STXBP4: variants seen among roughly 807,000 people sequenced by gnomAD.
The protein encoded by STXBP4 is syntaxin binding protein 4.
In STXBP4, 55 loss-of-function variants were observed where a neutral mutation model predicts 76.1. The ratio of observed to expected loss-of-function variants is 0.72; its 90% CI spans 0.58 to 0.91. The LOEUF (loss-of-function observed/expected upper bound fraction) is 0.91, where lower values mean the gene tolerates loss of function less well. STXBP4 is among the 40% of genes least tolerant of loss of function. The probability of loss-of-function intolerance (pLI) is 0.00; values close to 1 mark genes in which losing one functional copy is unlikely to be tolerated. For missense variants in STXBP4, 618 were observed against 636.9 expected, an observed-to-expected ratio of 0.97 and a Z score of 0.32; for synonymous variants, 201 against 220.2, an observed-to-expected ratio of 0.91 and a Z score of 0.77.
At position 55,166,857 on chromosome 17, in the gene STXBP4, G is replaced by A. The variant is rs1286793451; in HGVS notation, c.*6946G>A. 6.6e-6 allele frequency: 1 copy of A among 152,158 alleles called. No individual in the cohort carries two copies. Among genetic ancestry groups the A allele is most frequent in the Non-Finnish European group, 1.5e-5 (1 of 68,064 alleles). The allele number at this position is 152,158 out of a possible 1,614,324, so 9.4% of individuals were successfully genotyped here. On this transcript the variant is annotated 3_prime_UTR_variant, in exon 18 of 18. Transcript: ENST00000376352. ...ACTGAGTCTTAGAGGCTTGAAATCT[G>A]GTTCTACCTTCTCTTTCTCCATGTG...
At chr17:55,128,596 TTTTGTTTGTTTG>T (rs77698622) in intron 16 of STXBP4, among the ~76,000 whole-genome samples, 18 of 152,062 alleles carry the variant, frequency 1.2e-4, no homozygotes, top group African/African-American at 4.3e-4. Flanking sequence ...TTCATAGTCC[TTTTGTTTGTTTG>T]TTTGTTTGTT....
At chr17:55,047,226 G>A in intron 12 of STXBP4, 72 bp downstream of exon 12, 2 of 856,558 alleles carry the variant, frequency 2.3e-6, no homozygotes, top group Non-Finnish European at 3.6e-6. Context: ...GTGAACATAT[G>A]AGGTATAATT....
Position 55,161,972 on chromosome 17 carries a change from A to G in STXBP4, c.*2061A>G, listed in dbSNP as rs2080340756. ...CTGCTTAGATTCATTGTCTATGGGT[A>G]CATTTTATAAAAAGGCAGATTCTAG... On this transcript the variant is annotated 3_prime_UTR_variant, in exon 18 of 18. Coordinates refer to ENST00000376352, the MANE Select transcript of STXBP4 (RefSeq NM_178509.6). 1.3e-5 allele frequency: 2 copies of G among 152,238 alleles called. No homozygotes were observed. Among genetic ancestry groups the G allele is most frequent in the South Asian group, 2.1e-4 (1 of 4,838 alleles). The allele number at this position is 152,238 out of a possible 1,614,324, so 9.4% of individuals were successfully genotyped here.
intron 8 of STXBP4, among the ~76,000 whole-genome samples, chr17:55,020,410 C>G (rs758011791): frequency 2.6e-5 from 4 of 152,080 alleles, no homozygotes; most frequent in Non-Finnish European, 5.9e-5. Context: ...TGTTCTATGT[C>G]TAACTATACA....
At position 55,166,819 on chromosome 17, in the gene STXBP4, A is replaced by G. The variant is rs1401506132; in HGVS notation, c.*6908A>G. ...TATATTTACTAATTTACTTTTATCT[A>G]CTGAGCTGGGTTACTGAGTCTTAGA... On this transcript the variant is annotated 3_prime_UTR_variant, in exon 18 of 18. Transcript: ENST00000376352. The G allele has an allele frequency of 6.6e-6, 1 of 152,100 alleles. No homozygotes were observed. The highest frequency in any genetic ancestry group is 2.4e-5 in the African/African-American group (1 of 41,388). The allele number at this position is 152,100 out of a possible 1,614,324, so 9.4% of individuals were successfully genotyped here.
At chr17:55,042,320 T>C (rs957742496) in intron 10 of STXBP4, among the ~76,000 whole-genome samples, 3 of 152,126 alleles carry the variant, frequency 2.0e-5, no homozygotes, top group Admixed American at 1.3e-4. Context: ...ATCTGTAAAA[T>C]GGAGACAAGG....
chr17:55,094,212 CAGG>C (rs947470064), intron 16 of STXBP4, among the ~76,000 whole-genome samples: 2 of 147,062 alleles, frequency 1.4e-5, no homozygotes, highest in Non-Finnish European at 3.0e-5. Context: ...TATGAGCAAG[CAGG>C]AGAACAGCAT....
intron 13 of STXBP4, among the ~76,000 whole-genome samples, 192 bp downstream of exon 13, chr17:55,073,268 G>T (rs937190411): frequency 3.3e-5 from 5 of 152,140 alleles, no homozygotes; most frequent in Non-Finnish European, 1.5e-5. Context: ...GATGGCTTTG[G>T]GATGGAAAAG....
intron 17 of STXBP4, among the ~76,000 whole-genome samples, chr17:55,153,887 ACTTATTTTCTGTATTTTAGAAAGATAGG>A (rs1192487620): frequency 6.6e-6 from 1 of 152,180 alleles, no homozygotes; most frequent in African/African-American, 2.4e-5. Flanking sequence ...TATAGCTATT[ACTTATTTTCTGTATTTTAGAAAGATAGG>A]CTTTTAGTTT....
chr17:55,179,599 A>G, the STXBP4 span, among the ~76,000 whole-genome samples: 1 of 152,176 alleles, frequency 6.6e-6, no homozygotes, highest in Non-Finnish European at 1.5e-5. Flanking sequence ...GCTACCCATG[A>G]GATAGCAAGA....
chr17:55,033,200 C>G (rs991920469), intron 9 of STXBP4, among the ~76,000 whole-genome samples: 11 of 151,914 alleles, frequency 7.2e-5, no homozygotes, highest in African/African-American at 2.7e-4. Context: ...ATGGTGAAAC[C>G]CCGTCTCTAT....
chr17:55,137,166 T>C (rs1242585381), intron 16 of STXBP4, among the ~76,000 whole-genome samples: 1 of 152,144 alleles, frequency 6.6e-6, no homozygotes, highest in Non-Finnish European at 1.5e-5. Flanking sequence ...GATTCAGATT[T>C]TCTGACTGCA....
At chr17:55,072,201 A>G (rs904511232) in intron 12 of STXBP4, among the ~76,000 whole-genome samples, 3 of 152,226 alleles carry the variant, frequency 2.0e-5, no homozygotes, top group Non-Finnish European at 4.4e-5. Context: ...TGAACAGGTC[A>G]TATAACTTCT....
intron 17 of STXBP4, among the ~76,000 whole-genome samples, chr17:55,158,445 T>C (rs2080304577): frequency 1.3e-5 from 2 of 152,120 alleles, no homozygotes; most frequent in Admixed American, 6.5e-5. Context: ...ATAAAGGCAG[T>C]GGGGTAAACC....
chr17:55,064,843 T>C (rs555156960), intron 12 of STXBP4, among the ~76,000 whole-genome samples: 6 of 152,344 alleles, frequency 3.9e-5, no homozygotes, highest in African/African-American at 1.2e-4. Flanking sequence ...TTTGTCTTTA[T>C]GATTTTTCGT....
chr17:55,085,706 T>C (rs181547531), intron 16 of STXBP4, among the ~76,000 whole-genome samples: 6 of 152,202 alleles, frequency 3.9e-5, no homozygotes, highest in Non-Finnish European at 5.9e-5. Flanking sequence ...ATGGCTTGGC[T>C]TGGTATGGGG....
chr17:55,112,151 C>A (rs756266292), intron 16 of STXBP4, among the ~76,000 whole-genome samples: 13 of 151,998 alleles, frequency 8.6e-5, no homozygotes, highest in Non-Finnish European at 1.6e-4. Context: ...AACTCCTGGC[C>A]TTAAGTGATC....
chr17:55,022,291 A>G (rs1437689584), intron 8 of STXBP4, among the ~76,000 whole-genome samples: 1 of 147,492 alleles, frequency 6.8e-6, no homozygotes, highest in African/African-American at 2.5e-5. Context: ...AGGCATATAT[A>G]CTTTCTGTTA....
At chr17:55,116,790 G>A (rs2079785493) in intron 16 of STXBP4, among the ~76,000 whole-genome samples, 1 of 151,888 alleles carries the variant, frequency 6.6e-6, no homozygotes, top group African/African-American at 2.4e-5. Flanking sequence ...TCCTGTTATA[G>A]CAGGGCTCTG....
Sources: allele counts gnomAD v4.1 joint callset (sites outside exome capture counted in the v4.1 genomes callset), GRCh38; gene constraint gnomAD v4.1.1; transcripts MANE v1.5; gene names NCBI Gene and HGNC (gene_info 2026-07-23, HGNC 2026-07-21).